The following FBXW7 variants were observed in gnomAD, a reference collection of about 807,000 sequenced individuals.
FBXW7 encodes the protein F-box and WD repeat domain containing 7, also known as F-box/WD repeat-containing protein 7.
FBXW7 carries 11 observed loss-of-function variants against 86.3 expected under a neutral mutation model. The observed-to-expected ratio is 0.13, with a 90% CI of 0.08 to 0.21. The LOEUF (loss-of-function observed/expected upper bound fraction) is 0.21, where lower values mean the gene tolerates loss of function less well. Ranked by LOEUF, FBXW7 falls within the 10% of genes least tolerant of loss-of-function variation. The pLI, the probability that FBXW7 is intolerant of heterozygous loss-of-function variation, is 1.00. For missense variants in FBXW7, 488 were observed against 847.4 expected (o/e 0.58, Z 5.27); for synonymous variants, 313 against 297.9 (o/e 1.05, Z -0.52).
At chr4:152,468,686 T>C (rs1743670246) in intron 2 of FBXW7, among the ~76,000 whole-genome samples, 1 of 152,124 alleles carries the variant, frequency 6.6e-6, no homozygotes, top group Non-Finnish European at 1.5e-5. Context: ...TATTAAAATA[T>C]CACTGAATTG....
At chr4:152,328,575 A>G in intron 10 of FBXW7, 186 bp from the exon 11 acceptor site, 1 of 435,392 alleles carries the variant, frequency 2.3e-6, no homozygotes, top group East Asian at 3.7e-5. Context: ...AAGCATTATA[A>G]ATTTATATAA....
intron 2 of FBXW7, among the ~76,000 whole-genome samples, chr4:152,505,187 G>A (rs867352305): frequency 6.6e-6 from 1 of 152,226 alleles, no homozygotes; most frequent in South Asian, 2.1e-4. Context: ...TATATAAAAT[G>A]TAAAACGGTG....
intron 2 of FBXW7, among the ~76,000 whole-genome samples, chr4:152,431,179 C>T (rs958580559): frequency 3.3e-5 from 5 of 152,222 alleles, no homozygotes; most frequent in South Asian, 4.2e-4. Flanking sequence ...GGGAAGGAGA[C>T]GAAATAAAAG....
intron 4 of FBXW7, among the ~76,000 whole-genome samples, chr4:152,375,555 AT>A (rs1734427128): frequency 6.6e-6 from 1 of 152,034 alleles, no homozygotes. Flanking sequence ...GCGACAAATA[AT>A]TTTTTAATCA....
At chr4:152,495,767 A>G (rs545569529) in intron 2 of FBXW7, among the ~76,000 whole-genome samples, 9 of 152,208 alleles carry the variant, frequency 5.9e-5, no homozygotes, top group Non-Finnish European at 1.2e-4. Flanking sequence ...GGTCCTACAT[A>G]GGTCAATAAC....
intron 2 of FBXW7, among the ~76,000 whole-genome samples, chr4:152,529,416 G>A (rs2149745056): frequency 6.6e-6 from 1 of 151,928 alleles, no homozygotes; most frequent in East Asian, 1.9e-4. Flanking sequence ...ACAATATGTA[G>A]AAATACTACA....
At chr4:152,327,302 A>G (rs1336834036) in intron 11 of FBXW7, among the ~76,000 whole-genome samples, 1 of 152,062 alleles carries the variant, frequency 6.6e-6, no homozygotes, top group Admixed American at 6.6e-5. Context: ...TCCTTTTCAC[A>G]TATTACAAAT....
At chr4:152,532,545 C>T (rs1750113369) in intron 2 of FBXW7, among the ~76,000 whole-genome samples, 1 of 152,220 alleles carries the variant, frequency 6.6e-6, no homozygotes, top group African/African-American at 2.4e-5. Flanking sequence ...TTTTATCTGT[C>T]CCTTATGCCT....
At chr4:152,341,085 T>A (rs996703038) in intron 6 of FBXW7, among the ~76,000 whole-genome samples, 7 of 152,216 alleles carry the variant, frequency 4.6e-5, no homozygotes, top group Admixed American at 3.9e-4. Context: ...TGTAACTCCC[T>A]AAGTGGTCTT....
chr4:152,493,560 C>G (rs978723807), intron 2 of FBXW7, among the ~76,000 whole-genome samples: 1 of 152,174 alleles, frequency 6.6e-6, no homozygotes, highest in South Asian at 2.1e-4. Context: ...ACCCCCAGTA[C>G]GTCAGAACAC....
At chr4:152,418,082 T>C (rs1304282287) in intron 2 of FBXW7, among the ~76,000 whole-genome samples, 1 of 151,694 alleles carries the variant, frequency 6.6e-6, no homozygotes, top group African/African-American at 2.4e-5. Flanking sequence ...AATGGTTAAC[T>C]TCATTAAACA....
rs1737992105 is a variant in FBXW7 at position 152,411,782 on chromosome 4, C to G, written c.22G>C (p.Val8Leu). 1 of 1,612,172 alleles carries G rather than the reference C, an allele frequency of 6.2e-7. No individual in the cohort carries two copies. The highest frequency in any genetic ancestry group is 2.2e-5 in the East Asian group (1 of 44,762). ...CCAGTTCGTCGTCTTTTGCTGCCCACAGAGAGCAGTTCCTGATTCATTTCC... is the reference window on the plus strand; with the variant it reads ...CCAGTTCGTCGTCTTTTGCTGCCCAGAGAGAGCAGTTCCTGATTCATTTCC... The part of the protein sequence containing the change: MNQELLS[V>L]GSKRRRTGGS... Residue 8 changes from valine to leucine, a missense_variant, in exon 4 of 14, where the codon GTG (valine) becomes CTG (leucine). Val to Leu is a conservative substitution (Grantham distance 32). This residue lies in a region of FBXW7 where 230 missense variants were observed against 240.0 expected (regional missense o/e 0.96). Transcript: ENST00000281708.
At chr4:152,362,896 G>A (rs569372530) in intron 4 of FBXW7, among the ~76,000 whole-genome samples, 2 of 149,188 alleles carry the variant, frequency 1.3e-5, no homozygotes, top group African/African-American at 4.9e-5. Flanking sequence ...ATGAAGATAT[G>A]TTAATCATCA....
In FBXW7 at chr4:152,329,800, T is replaced by A. The variant is rs1729382665; in HGVS notation, c.1123-15A>T. On this transcript the variant is annotated splice_polypyrimidine_tract_variant and intron_variant, in intron 9 of 13. Transcript: ENST00000281708. ...CCTTTCAGCACCTATAAGAAAGATG[T>A]GCAGATTAGAAATATGTTAATTAAA... The A allele has an allele frequency of 7.0e-7, 1 of 1,419,956 alleles. No individual in the cohort carries two copies. The highest frequency in any genetic ancestry group is 1.5e-5 in the African/African-American group (1 of 67,628). 88.0% of individuals were successfully genotyped at this position (1,419,956 alleles called of 1,614,324 possible).
At chr4:152,383,219 G>A (rs1345161011) in intron 4 of FBXW7, among the ~76,000 whole-genome samples, 1 of 151,988 alleles carries the variant, frequency 6.6e-6, no homozygotes, top group African/African-American at 2.4e-5. Context: ...TAGTAAAATG[G>A]GAGAGTAACT....
At chr4:152,527,873 C>T (rs911831705) in intron 2 of FBXW7, among the ~76,000 whole-genome samples, 22 of 150,726 alleles carry the variant, frequency 1.5e-4, no homozygotes, top group South Asian at 6.3e-4. Context: ...TATACACACA[C>T]ACACACACAC....
At chr4:152,397,963 T>C (rs562401879) in intron 4 of FBXW7, among the ~76,000 whole-genome samples, 1 of 151,962 alleles carries the variant, frequency 6.6e-6, no homozygotes, top group Non-Finnish European at 1.5e-5. Context: ...TCTAAAAGCA[T>C]ACTTATACTT....
chr4:152,431,961 C>T (rs1293341617), intron 2 of FBXW7, among the ~76,000 whole-genome samples: 1 of 152,202 alleles, frequency 6.6e-6, no homozygotes, highest in Non-Finnish European at 1.5e-5. Context: ...TCTTCAGAGT[C>T]TCATTGTGAT....
rs185466922 is a variant in FBXW7, at chr4:152,345,436, T to A, written c.726+1494A>T. ...TTTTAATAACAATAAAATCTAACTT[T>A]CATTCCTCTAACCCAGATTCTTTAG... On this transcript the variant is annotated intron_variant, in intron 6 of 13. Coordinates refer to ENST00000281708, the MANE Select transcript of FBXW7 (RefSeq NM_001349798.2). Among the ~76,000 whole-genome samples, 1,132 of 152,266 alleles carry A rather than the reference T, an allele frequency of 7.4e-3. 5 individuals are homozygous for A. The highest frequency in any genetic ancestry group is 0.031 in the Middle Eastern group (9 of 292).
Sources: allele counts gnomAD v4.1 joint callset (sites outside exome capture counted in the v4.1 genomes callset), GRCh38; gene constraint gnomAD v4.1.1; regional missense constraint gnomAD v4.1.1; transcripts MANE v1.5; gene names NCBI Gene and HGNC (gene_info 2026-07-23, HGNC 2026-07-21).